Variants in PTPRD observed in about 807,000 individuals in gnomAD.
PTPRD encodes the protein protein tyrosine phosphatase receptor type D, also known as receptor-type tyrosine-protein phosphatase delta.
Under a neutral mutation model 214.5 loss-of-function variants are expected in PTPRD, and 34 were observed. The observed-to-expected ratio is 0.16, with a 90% CI of 0.12 to 0.21. The LOEUF is 0.21. PTPRD is among the 10% of genes least tolerant of loss of function. The probability of loss-of-function intolerance (pLI) is 1.00; values close to 1 mark genes in which losing one functional copy is unlikely to be tolerated. For synonymous variants in PTPRD, 1,128 were observed against 845.7 expected, an observed-to-expected ratio of 1.33 and a Z score of -5.79; for missense variants, 2,545 against 2,398.7, an observed-to-expected ratio of 1.06 and a Z score of -1.27.
intron 10 of PTPRD, among the ~76,000 whole-genome samples, chr9:9,061,092 G>A (rs991747362): frequency 6.6e-6 from 1 of 152,138 alleles, no homozygotes; most frequent in African/African-American, 2.4e-5. Context: ...GTTACTTCTA[G>A]GGAGTAAGGG....
At chr9:9,650,636 G>A (rs1281886795) in intron 7 of PTPRD, among the ~76,000 whole-genome samples, 1 of 152,010 alleles carries the variant, frequency 6.6e-6, no homozygotes, top group African/African-American at 2.4e-5. Context: ...GAGAATGAAG[G>A]GTGAGAGGAG....
intron 9 of PTPRD, among the ~76,000 whole-genome samples, chr9:9,242,219 T>C (rs2099970713): frequency 6.6e-6 from 1 of 152,218 alleles, no homozygotes; most frequent in Non-Finnish European, 1.5e-5. Context: ...AATCAGCTGT[T>C]AGTCTGATGG....
intron 14 of PTPRD, among the ~76,000 whole-genome samples, chr9:8,535,752 C>A (rs954436446): frequency 6.6e-6 from 1 of 151,830 alleles, no homozygotes; most frequent in Non-Finnish European, 1.5e-5. Context: ...TCTTAACATT[C>A]TGAAAATAAC....
chr9:9,148,525 T>C (rs2099872481), intron 10 of PTPRD, among the ~76,000 whole-genome samples: 2 of 152,164 alleles, frequency 1.3e-5, no homozygotes, highest in African/African-American at 2.4e-5. Context: ...CACCAAGTAC[T>C]CACCCCCATA....
intron 12 of PTPRD, among the ~76,000 whole-genome samples, chr9:8,699,914 C>A (rs1206859770): frequency 6.6e-6 from 1 of 152,126 alleles, no homozygotes; most frequent in Admixed American, 6.5e-5. Context: ...ATTTTGTAGG[C>A]CCTGATTGAT....
chr9:9,117,587 T>A (rs578219137), intron 10 of PTPRD, among the ~76,000 whole-genome samples: 2 of 152,310 alleles, frequency 1.3e-5, no homozygotes, highest in East Asian at 3.9e-4. Flanking sequence ...CTTTATCACT[T>A]TATCTTTGTA....
intron 39 of PTPRD, among the ~76,000 whole-genome samples, chr9:8,356,476 T>A (rs1183061800): frequency 2.6e-5 from 4 of 152,216 alleles, no homozygotes; most frequent in Non-Finnish European, 5.9e-5. Context: ...TATTATTTTT[T>A]AAATGCAGTC....
chr9:10,124,597 C>T (rs1023903804), intron 3 of PTPRD, among the ~76,000 whole-genome samples: 3 of 152,128 alleles, frequency 2.0e-5, no homozygotes, highest in Admixed American at 1.3e-4. Flanking sequence ...ATATATATGT[C>T]TCCTGCACTT....
intron 11 of PTPRD, among the ~76,000 whole-genome samples, chr9:8,883,917 C>G (rs1388326843): frequency 2.0e-5 from 3 of 152,016 alleles, no homozygotes; most frequent in Non-Finnish European, 4.4e-5. Flanking sequence ...TATTTTCTCC[C>G]ACAGAATTTT....
chr9:10,133,075 G>T (rs527742322), intron 3 of PTPRD, among the ~76,000 whole-genome samples: 12 of 152,222 alleles, frequency 7.9e-5, no homozygotes, highest in African/African-American at 2.6e-4. Context: ...AGATATAGAG[G>T]CAAAGAATTT....
intron 9 of PTPRD, among the ~76,000 whole-genome samples, chr9:9,195,109 C>CACAA (rs2099937678): frequency 1.1e-5 from 1 of 88,026 alleles, no homozygotes; most frequent in African/African-American, 3.8e-5. Context: ...TATATATATA[C>CACAA]ACACACACAC....
intron 23 of PTPRD, among the ~76,000 whole-genome samples, chr9:8,503,617 C>T (rs1006801748): frequency 1.3e-5 from 2 of 152,146 alleles, no homozygotes; most frequent in African/African-American, 4.8e-5. Context: ...AGGGTAACAG[C>T]TCCAAAAAGA....
At chr9:9,689,200 T>C (rs2097218873) in intron 7 of PTPRD, among the ~76,000 whole-genome samples, 1 of 151,866 alleles carries the variant, frequency 6.6e-6, no homozygotes, top group Non-Finnish European at 1.5e-5. Flanking sequence ...ATTTAGCTTT[T>C]CTGCTTTACT....
At chr9:8,869,907 A>C (rs2154547419) in intron 11 of PTPRD, among the ~76,000 whole-genome samples, 1 of 152,190 alleles carries the variant, frequency 6.6e-6, no homozygotes, top group South Asian at 2.1e-4. Flanking sequence ...TCTGGCCATA[A>C]CTAAGGTCCT....
At chr9:9,048,822 G>A (rs186319029) in intron 10 of PTPRD, among the ~76,000 whole-genome samples, 54 of 152,144 alleles carry the variant, frequency 3.5e-4, no homozygotes, top group Non-Finnish European at 7.4e-5. Flanking sequence ...TAATAGAATT[G>A]TTTGTAACAC....
chr9:10,385,544 A>G (rs544963627), intron 2 of PTPRD, among the ~76,000 whole-genome samples: 1 of 151,948 alleles, frequency 6.6e-6, no homozygotes, highest in Admixed American at 6.6e-5. Flanking sequence ...GTGTGAGTAT[A>G]TTCTCTTTCC....
chr9:10,387,261 G>A (rs1342641101), intron 2 of PTPRD, among the ~76,000 whole-genome samples: 1 of 151,566 alleles, frequency 6.6e-6, no homozygotes, highest in African/African-American at 2.4e-5. Flanking sequence ...TTAACAATTT[G>A]TACAGTCTCC....
intron 3 of PTPRD, among the ~76,000 whole-genome samples, chr9:10,150,751 G>A (rs1391755378): frequency 6.6e-6 from 1 of 151,676 alleles, no homozygotes; most frequent in African/African-American, 2.4e-5. Flanking sequence ...ATACATCAGT[G>A]GCATGGAGTA....
intron 7 of PTPRD, among the ~76,000 whole-genome samples, chr9:9,708,386 A>C (rs2097665740): frequency 6.6e-6 from 1 of 152,056 alleles, no homozygotes; most frequent in Non-Finnish European, 1.5e-5. Context: ...GACAGACTAT[A>C]TTTCATTTAT....
Sources: gnomAD v4.1 joint callset for allele counts (sites outside exome capture counted in the v4.1 genomes callset) on GRCh38, gnomAD v4.1.1 for gene constraint, MANE v1.5 for transcripts, NCBI Gene and HGNC (gene_info 2026-07-23, HGNC 2026-07-21) for gene names.